ONECUT3: variants seen among roughly 807,000 people sequenced by gnomAD.
The protein encoded by ONECUT3 is one cut homeobox 3.
Under a neutral mutation model 16.8 loss-of-function variants are expected in ONECUT3, and 11 were observed. That is an observed-to-expected ratio of 0.66 (90% CI 0.41 to 1.09). The LOEUF (loss-of-function observed/expected upper bound fraction) is 1.09, where lower values mean the gene tolerates loss of function less well. Among genes scored for constraint, ONECUT3 ranks in the 50% least tolerant of loss-of-function variants. The probability of loss-of-function intolerance (pLI) is 0.00; values close to 1 mark genes in which losing one functional copy is unlikely to be tolerated. For synonymous variants in ONECUT3, 344 were observed against 310.7 expected, an observed-to-expected ratio of 1.11 and a Z score of -1.13; for missense variants, 637 against 629.9, an observed-to-expected ratio of 1.01 and a Z score of -0.12.
Position 1,753,646 on chromosome 19 carries a change from CG to C in ONECUT3, c.-14del. 1 of 1,022,282 alleles carries C rather than the reference CG, an allele frequency of 9.8e-7. No homozygotes were observed. The highest frequency in any genetic ancestry group is 1.2e-6 in the Non-Finnish European group (1 of 846,338). 63.3% of individuals were successfully genotyped at this position (1,022,282 alleles called of 1,614,324 possible). On this transcript the variant is annotated 5_prime_UTR_variant, in exon 1 of 2. Transcript: ENST00000382349. ...GGCCGGCGCTGAGGAGCGCGCGCGG[CG>C]GGAGGGCAGCCGAGCATGGAGCTGA...
chr19:1,754,215 T>A lies in ONECUT3; in HGVS notation c.553T>A (p.Tyr185Asn). ...GGCGCTCGCCTCCGTGGGCCACCTC[T>A]ACGGACCCTACGGCAAGGAGCTGCC... ...RAALASVGHL[Y>N]GPYGKELPAM... Residue 185 changes from tyrosine (Y) to asparagine (N), a missense_variant, in exon 1 of 2, where the codon TAC becomes AAC. Coordinates refer to ENST00000382349, the MANE Select transcript of ONECUT3 (RefSeq NM_001080488.2). The surrounding 1 kb of genome is among the most constrained non-coding windows in gnomAD (Gnocchi z 7.4). 1 of 1,111,340 alleles carries A rather than the reference T, an allele frequency of 9.0e-7. No homozygotes were observed. Among genetic ancestry groups the A allele is most frequent in the South Asian group, 2.3e-5 (1 of 43,086 alleles). 68.8% of individuals were successfully genotyped at this position (1,111,340 alleles called of 1,614,324 possible).
In ONECUT3 at chr19:1,766,819, A is replaced by G. The variant is rs1196339012; in HGVS notation, c.1193-8334A>G. 1.3e-5 allele frequency among the ~76,000 whole-genome samples: 2 copies of G among 149,408 alleles called. No homozygotes were observed. On this transcript the variant is annotated intron_variant, in intron 1 of 1. Coordinates refer to ENST00000382349, the MANE Select transcript of ONECUT3 (RefSeq NM_001080488.2). This position sits in a 1 kb window ranked among gnomAD's most constrained non-coding sequence, Gnocchi z 4.0. The stretch of plus-strand genomic sequence containing the variant: ...CAGGCTGGGCTGAGACCCCCCCCCC[A>G]TGCTCCACCACCCTCGTGTAGGACA...
chr19:1,756,126 A>T (rs1377717326), intron 1 of ONECUT3, among the ~76,000 whole-genome samples: 1 of 152,090 alleles, frequency 6.6e-6, no homozygotes, highest in Non-Finnish European at 1.5e-5. Flanking sequence ...GGCTGGGCGA[A>T]GAGAGGACAG....
At chr19:1,757,384 G>A (rs1247939910) in intron 1 of ONECUT3, among the ~76,000 whole-genome samples, 2 of 152,252 alleles carry the variant, frequency 1.3e-5, no homozygotes, top group African/African-American at 4.8e-5. Flanking sequence ...GGGAGTCTGG[G>A]TTTCCTGTCG....
intron 1 of ONECUT3, among the ~76,000 whole-genome samples, chr19:1,774,578 C>T (rs918794611): frequency 6.6e-5 from 10 of 152,156 alleles, no homozygotes; most frequent in Admixed American, 2.6e-4. Context: ...GTTTCCATGT[C>T]ATTTCCCCAA....
rs530381385 is a variant in ONECUT3 at position 1,758,909 on chromosome 19, T to A, written c.1192+4055T>A. ...AATTGCAACTCCGGAGGAAAAGTAT[T>A]TTTTGTAACTGATCAGAAAAAAAAT... is the stretch of plus-strand genomic sequence containing the variant. On this transcript the variant is annotated intron_variant, in intron 1 of 1. Coordinates refer to ENST00000382349, the MANE Select transcript of ONECUT3 (RefSeq NM_001080488.2). The surrounding 1 kb of genome is among the most constrained non-coding windows in gnomAD (Gnocchi z 5.9). Among the ~76,000 whole-genome samples, 1 of 152,080 alleles carries A rather than the reference T, an allele frequency of 6.6e-6. No homozygotes were observed. The highest frequency in any genetic ancestry group is 2.4e-5 in the African/African-American group (1 of 41,394).
At chr19:1,765,538 G>A (rs921804238) in intron 1 of ONECUT3, among the ~76,000 whole-genome samples, 6 of 152,192 alleles carry the variant, frequency 3.9e-5, no homozygotes, top group African/African-American at 9.6e-5. Context: ...GCCGCTTCAC[G>A]CTGTCCTGTG....
chr19:1,755,395 C>A lies in ONECUT3; in HGVS notation c.1192+541C>A, dbSNP rs964802670. ...GAGGCCGAGCCCGCGCTCATCCCCC[C>A]ACCTGCCCCAGCGCGCGCTTCTTTG... is the stretch of plus-strand genomic sequence containing the variant. On this transcript the variant is annotated intron_variant, in intron 1 of 1. Transcript: ENST00000382349. This position sits in a 1 kb window ranked among gnomAD's most constrained non-coding sequence, Gnocchi z 7.5. 5.3e-5 allele frequency among the ~76,000 whole-genome samples: 8 copies of A among 152,220 alleles called. No homozygotes were observed. Among genetic ancestry groups the A allele is most frequent in the African/African-American group, 9.6e-5 (4 of 41,546 alleles).
rs1816087574 is a variant in ONECUT3 at position 1,762,688 on chromosome 19, C to G, written c.1192+7834C>G. On this transcript the variant is annotated intron_variant, in intron 1 of 1. Coordinates refer to ENST00000382349, the MANE Select transcript of ONECUT3 (RefSeq NM_001080488.2). This position sits in a 1 kb window ranked among gnomAD's most constrained non-coding sequence, Gnocchi z 4.4. The stretch of plus-strand genomic sequence containing the variant: ...CCGCGGCCTTGGAGCCTCAGGGTCA[C>G]TGGTGCGGGCTCCGCAGGAAAGCGC... Among the ~76,000 whole-genome samples the G allele has an allele frequency of 2.0e-5, 3 of 152,250 alleles. No individual in the cohort carries two copies. The highest frequency in any genetic ancestry group is 2.4e-5 in the African/African-American group (1 of 41,470).
chr19:1,758,314 AAAGAGAGAG>A lies in ONECUT3; in HGVS notation c.1192+3462_1192+3470del, dbSNP rs1281079035. ...GGCAGAGAGACCAAAAAAAAAAAAA[AAAGAGAGAG>A]AGAGAGAGAGAGACAGAGATGGGAG... On this transcript the variant is annotated intron_variant, in intron 1 of 1. Transcript: ENST00000382349. The surrounding 1 kb of genome is among the most constrained non-coding windows in gnomAD (Gnocchi z 5.9). 1.4e-4 allele frequency among the ~76,000 whole-genome samples: 18 copies of A among 124,480 alleles called. No individual in the cohort carries two copies. Among genetic ancestry groups the A allele is most frequent in the Admixed American group, 7.8e-4 (10 of 12,814 alleles). The allele number at this position is 124,480 out of a possible 152,430, so 81.7% of individuals were successfully genotyped here.
chr19:1,774,417 CAA>C (rs58392959), intron 1 of ONECUT3, among the ~76,000 whole-genome samples: 43,684 of 146,068 alleles, frequency 0.3, 7,585 homozygotes, highest in African/African-American at 0.49. Flanking sequence ...TTCCCCTCCG[CAA>C]AAAAAAAAAA....
rs545309662 is a variant in ONECUT3, at chr19:1,755,376, G to C, written c.1192+522G>C. On this transcript the variant is annotated intron_variant, in intron 1 of 1. Coordinates refer to ENST00000382349, the MANE Select transcript of ONECUT3 (RefSeq NM_001080488.2). This position sits in a 1 kb window ranked among gnomAD's most constrained non-coding sequence, Gnocchi z 7.5. Reference sequence around the variant, plus strand: ...CGCCTGCAGCTCAGCAGCAGAGGCCGAGCCCGCGCTCATCCCCCCACCTGC... The same window carrying C: ...CGCCTGCAGCTCAGCAGCAGAGGCCCAGCCCGCGCTCATCCCCCCACCTGC... Among the ~76,000 whole-genome samples the C allele has an allele frequency of 6.6e-6, 1 of 152,020 alleles. No individual in the cohort carries two copies. Among genetic ancestry groups the C allele is most frequent in the Admixed American group, 6.5e-5 (1 of 15,268 alleles).
At chr19:1,760,328 T>G (rs1600340726) in intron 1 of ONECUT3, among the ~76,000 whole-genome samples, 1 of 149,980 alleles carries the variant, frequency 6.7e-6, no homozygotes, top group African/African-American at 2.5e-5. Context: ...CTCCCTGACC[T>G]CCAGCAGAGA....
Position 1,753,968 on chromosome 19 carries a change from C to A in ONECUT3, c.306C>A (p.Gly102=), listed in dbSNP as rs958288166. 34 of 993,348 alleles carry A rather than the reference C, an allele frequency of 3.4e-5. No individual in the cohort carries two copies. Among genetic ancestry groups the A allele is most frequent in the Non-Finnish European group, 4.1e-5 (34 of 836,390 alleles). 61.5% of individuals were successfully genotyped at this position (993,348 alleles called of 1,614,324 possible). A position where few individuals can be genotyped will look rare whatever the true frequency, so the allele number is the denominator to read the frequency against. Residue 102 remains glycine (G), a synonymous_variant, in exon 1 of 2, where the codon GGC becomes GGA. Coordinates refer to ENST00000382349, the MANE Select transcript of ONECUT3 (RefSeq NM_001080488.2). Reference sequence around the variant, plus strand: ...TGGCCTGCGAGGCGCCGGGCCTGGGCGGCACCTACACGACGCTCACGCCCC... The same window carrying A: ...TGGCCTGCGAGGCGCCGGGCCTGGGAGGCACCTACACGACGCTCACGCCCC... The part of the protein sequence containing the change: ...MGMACEAPGL[G]GTYTTLTPLQ...
chr19:1,767,093 T>G (rs561551314), intron 1 of ONECUT3, among the ~76,000 whole-genome samples: 8 of 152,140 alleles, frequency 5.3e-5, no homozygotes, highest in African/African-American at 1.9e-4. Flanking sequence ...CTTTCTACTC[T>G]TGGCCCCAGT....
intron 1 of ONECUT3, among the ~76,000 whole-genome samples, chr19:1,769,798 C>A (rs1187621846): frequency 2.0e-5 from 3 of 152,074 alleles, no homozygotes; most frequent in East Asian, 3.9e-4. Context: ...TTAGATTGAA[C>A]GCCGGGAAGG....
chr19:1,754,208 C>A lies in ONECUT3; in HGVS notation c.546C>A (p.Gly182=). The part of the protein sequence containing the change: ...RDERAALASV[G]HLYGPYGKEL... Reference sequence around the variant, plus strand: ...AGCGGGCGGCGCTCGCCTCCGTGGGCCACCTCTACGGACCCTACGGCAAGG... The same window carrying A: ...AGCGGGCGGCGCTCGCCTCCGTGGGACACCTCTACGGACCCTACGGCAAGG... The change falls in exon 1 of 2, where the codon GGC becomes GGA. Residue 182 remains glycine, a synonymous_variant. Coordinates refer to ENST00000382349, the MANE Select transcript of ONECUT3 (RefSeq NM_001080488.2). The surrounding 1 kb of genome is among the most constrained non-coding windows in gnomAD (Gnocchi z 7.4). 1 of 1,141,048 alleles carries A rather than the reference C, an allele frequency of 8.8e-7. No homozygotes were observed. 70.7% of individuals were successfully genotyped at this position (1,141,048 alleles called of 1,614,324 possible).
Position 1,754,328 on chromosome 19 carries a change from C to T in ONECUT3, c.666C>T (p.Pro222=). The T allele has an allele frequency of 9.4e-7, 1 of 1,061,764 alleles. No individual in the cohort carries two copies. The highest frequency in any genetic ancestry group is 1.1e-6 in the Non-Finnish European group (1 of 882,782). 65.8% of individuals were successfully genotyped at this position (1,061,764 alleles called of 1,614,324 possible). A position where few individuals can be genotyped will look rare whatever the true frequency, so the allele number is the denominator to read the frequency against. ...GAPQPPPPPP[P]PPLAAYGPPG... ...CGCAGCCCCCGCCGCCGCCACCACC[C>T]CCGCCGCTGGCCGCCTACGGCCCGC... The change falls in exon 1 of 2, where the codon CCC becomes CCT. Residue 222 remains proline (P), a synonymous_variant. Coordinates refer to ENST00000382349, the MANE Select transcript of ONECUT3 (RefSeq NM_001080488.2). The surrounding 1 kb of genome is among the most constrained non-coding windows in gnomAD (Gnocchi z 7.4).
Position 1,776,629 on chromosome 19 carries a change from A to T in ONECUT3, c.*1184A>T, listed in dbSNP as rs1408903083. On this transcript the variant is annotated 3_prime_UTR_variant, in exon 2 of 2. Transcript: ENST00000382349. This position sits in a 1 kb window ranked among gnomAD's most constrained non-coding sequence, Gnocchi z 4.9. ...AAATGAAGATGAGCGCCCCCCTCCC[A>T]CCCCGCGCTCTCCCCCGCTCCTCTC... 1 of 90,392 alleles carries T rather than the reference A, an allele frequency of 1.1e-5. No homozygotes were observed. The highest frequency in any genetic ancestry group is 1.2e-4 in the Admixed American group (1 of 8,486). The allele number at this position is 90,392 out of a possible 1,614,324, so 5.6% of individuals were successfully genotyped here.
Sources: allele counts gnomAD v4.1 joint callset (sites outside exome capture counted in the v4.1 genomes callset), GRCh38; gene constraint gnomAD v4.1.1; non-coding constraint Gnocchi (gnomAD v3.1); transcripts MANE v1.5; gene names NCBI Gene and HGNC (gene_info 2026-07-23, HGNC 2026-07-21).